The following MYO5B variants were observed in gnomAD, a reference collection of about 807,000 sequenced individuals.
The protein encoded by MYO5B is myosin VB.
A neutral mutation model predicts 229.3 loss-of-function variants in MYO5B; 143 were observed. The observed-to-expected ratio is 0.62, with a 90% confidence interval of 0.54 to 0.72. The LOEUF (loss-of-function observed/expected upper bound fraction) is 0.72, where lower values mean the gene tolerates loss of function less well. Ranked by LOEUF, MYO5B falls within the 30% of genes least tolerant of loss-of-function variation. MYO5B has a pLI of 0.00. For missense variants in MYO5B, 2,321 were observed against 2,331.0 expected (o/e 1.00, Z 0.09); for synonymous variants, 918 against 885.2 (o/e 1.04, Z -0.66).
intron 5 of MYO5B, among the ~76,000 whole-genome samples, chr18:50,000,427 C>T (rs1055499150): frequency 6.6e-6 from 1 of 152,166 alleles, no homozygotes; most frequent in Admixed American, 6.5e-5. Flanking sequence ...CTGCTCCTAC[C>T]AACTGTAACC....
intron 29 of MYO5B, among the ~76,000 whole-genome samples, chr18:49,862,898 C>A (rs552448833): frequency 7.9e-6 from 1 of 126,666 alleles, no homozygotes; most frequent in African/African-American, 2.9e-5. Flanking sequence ...AGCCACCCCC[C>A]ACCCCCCTCC....
intron 16 of MYO5B, among the ~76,000 whole-genome samples, chr18:49,934,671 T>C (rs1790778): frequency 0.53 from 80,582 of 152,016 alleles, 21,734 homozygotes; most frequent in Middle Eastern, 0.71. Flanking sequence ...TGGAGTCAGC[T>C]GGTAAACAGA....
chr18:49,946,650 G>C (rs1378717025), intron 14 of MYO5B, among the ~76,000 whole-genome samples: 1 of 137,492 alleles, frequency 7.3e-6, no homozygotes, highest in African/African-American at 2.8e-5. Context: ...TTGTACCTAA[G>C]CTGGCACTGT....
chr18:50,093,778 A>AG (rs901998924), intron 1 of MYO5B, among the ~76,000 whole-genome samples: 15 of 151,262 alleles, frequency 9.9e-5, no homozygotes, highest in African/African-American at 3.6e-4. Context: ...TAAAAAAAAA[A>AG]GAAAAAAGAA....
Position 50,038,119 on chromosome 18 carries a change from T to C in MYO5B, c.311-1125A>G, listed in dbSNP as rs73444779. On this transcript the variant is annotated intron_variant, in intron 3 of 39. Coordinates refer to ENST00000285039, the MANE Select transcript of MYO5B (RefSeq NM_001080467.3). Reference sequence around the variant, plus strand: ...TGTGAGGCAGGTTGATATTTGAGCCTGTAGAAGGAAAAAATTGTGAATTTG... The same window carrying C: ...TGTGAGGCAGGTTGATATTTGAGCCCGTAGAAGGAAAAAATTGTGAATTTG... 9.3e-3 allele frequency among the ~76,000 whole-genome samples: 1,412 copies of C among 152,340 alleles called. 19 individuals carry two copies. Among genetic ancestry groups the C allele is most frequent in the African/African-American group, 0.032 (1,346 of 41,582 alleles).
At chr18:50,168,355 G>C (rs1235978820) in intron 1 of MYO5B, among the ~76,000 whole-genome samples, 2 of 152,342 alleles carry the variant, frequency 1.3e-5, no homozygotes, top group African/African-American at 2.4e-5. Flanking sequence ...TGCAGTTCCA[G>C]AAGACTCAGG....
intron 22 of MYO5B, among the ~76,000 whole-genome samples, chr18:49,887,508 C>A (rs1285365000): frequency 2.0e-5 from 3 of 152,128 alleles, no homozygotes; most frequent in African/African-American, 7.2e-5. Flanking sequence ...CACCTCCCCG[C>A]TCTCTCTTGC....
At chr18:50,138,649 C>T (rs558226691) in intron 1 of MYO5B, among the ~76,000 whole-genome samples, 11 of 140,164 alleles carry the variant, frequency 7.8e-5, no homozygotes, top group South Asian at 2.2e-4. Context: ...ACTCTTGAGT[C>T]GGAAAAAAAA....
chr18:49,826,388 A>C lies in MYO5B; in HGVS notation c.*83T>G. On this transcript the variant is annotated 3_prime_UTR_variant, in exon 40 of 40. Transcript: ENST00000285039. ...GATTTGATCTACTTTTACCAGATTT[A>C]ACAGATCCTTGAATTTACTTTACTG... The C allele has an allele frequency of 6.6e-7, 1 of 1,524,652 alleles. No individual in the cohort carries two copies. Among genetic ancestry groups the C allele is most frequent in the East Asian group, 2.3e-5 (1 of 42,752 alleles). 94.4% of individuals were successfully genotyped at this position (1,524,652 alleles called of 1,614,324 possible).
At chr18:49,900,178 T>C (rs1312297825) in intron 21 of MYO5B, among the ~76,000 whole-genome samples, 1 of 152,228 alleles carries the variant, frequency 6.6e-6, no homozygotes, top group Non-Finnish European at 1.5e-5. Flanking sequence ...CTCACAACAT[T>C]TGACTAAGCA....
chr18:49,873,205 T>C (rs1454509644), intron 26 of MYO5B, among the ~76,000 whole-genome samples: 1 of 152,244 alleles, frequency 6.6e-6, no homozygotes, highest in Non-Finnish European at 1.5e-5. Flanking sequence ...TAGCTGCTAT[T>C]TGACTTAAAT....
intron 1 of MYO5B, 87 bp downstream of exon 1, chr18:50,194,680 A>G: frequency 1.1e-6 from 1 of 946,324 alleles, no homozygotes; most frequent in Non-Finnish European, 1.6e-6. Flanking sequence ...CGCCTCCAGT[A>G]GCCGAGGGAG....
At chr18:49,953,138 C>T (rs921272106) in intron 14 of MYO5B, 122 bp downstream of exon 14, 5 of 850,722 alleles carry the variant, frequency 5.9e-6, no homozygotes, top group African/African-American at 1.6e-5. Flanking sequence ...CCAACAAACC[C>T]GTTGGCCTCC....
At chr18:49,963,133 C>T (rs1568049688) in intron 10 of MYO5B, 103 bp from the exon 11 acceptor site, 1 of 862,490 alleles carries the variant, frequency 1.2e-6, no homozygotes, top group Non-Finnish European at 2.0e-6. Context: ...GATGCCACTA[C>T]AGAATCCCCA....
intron 3 of MYO5B, among the ~76,000 whole-genome samples, chr18:50,039,218 A>T (rs1405370678): frequency 6.6e-6 from 1 of 152,200 alleles, no homozygotes; most frequent in Non-Finnish European, 1.5e-5. Context: ...TGCCTCTCAA[A>T]CAACGGTTTA....
intron 4 of MYO5B, among the ~76,000 whole-genome samples, chr18:50,028,072 T>C (rs2026350069): frequency 6.6e-6 from 1 of 152,176 alleles, no homozygotes; most frequent in African/African-American, 2.4e-5. Context: ...ATTAAGGAAA[T>C]GTTTGCTATC....
At chr18:49,918,693 T>C (rs560507750) in intron 17 of MYO5B, among the ~76,000 whole-genome samples, 1 of 152,216 alleles carries the variant, frequency 6.6e-6, no homozygotes, top group Non-Finnish European at 1.5e-5. Flanking sequence ...TGGGGCAGAA[T>C]TGTTTGGCCA....
intron 6 of MYO5B, 138 bp from the exon 7 acceptor site, chr18:49,990,658 C>T: frequency 1.4e-6 from 1 of 716,294 alleles, no homozygotes; most frequent in Non-Finnish European, 2.5e-6. Context: ...ACACCTCTGC[C>T]ACCTTCAATT....
intron 23 of MYO5B, chr18:49,879,301 G>T: frequency 1.7e-6 from 1 of 601,806 alleles, no homozygotes; most frequent in Non-Finnish European, 2.9e-6. Flanking sequence ...GAAAGACCCT[G>T]CTCTCAGGGA....
Sources: allele counts gnomAD v4.1 joint callset (sites outside exome capture counted in the v4.1 genomes callset), GRCh38; gene constraint gnomAD v4.1.1; transcripts MANE v1.5; gene names NCBI Gene and HGNC (gene_info 2026-07-23, HGNC 2026-07-21).